The following DLC1 variants were observed in gnomAD, a reference collection of about 807,000 sequenced individuals.
DLC1 encodes rho GTPase-activating protein 7.
In DLC1, 54 loss-of-function variants were observed where a neutral mutation model predicts 140.3. The observed-to-expected ratio is 0.38, with a 90% confidence interval of 0.31 to 0.48. DLC1 has a LOEUF of 0.48. Among genes scored for constraint, DLC1 ranks in the 20% least tolerant of loss-of-function variants. The probability of loss-of-function intolerance (pLI) is 0.96; values close to 1 mark genes in which losing one functional copy is unlikely to be tolerated. For synonymous variants in DLC1, 986 were observed against 728.1 expected (o/e 1.35, Z -5.70); for missense variants, 2,536 against 1,907.0 (o/e 1.33, Z -6.14).
chr8:13,482,111 C>T (rs941875631), intron 2 of DLC1, among the ~76,000 whole-genome samples: 1 of 152,054 alleles, frequency 6.6e-6, no homozygotes, highest in Admixed American at 6.6e-5. Flanking sequence ...TTTAAGCATG[C>T]AATTTAAGGT....
chr8:13,135,340 C>G (rs1822483232), intron 5 of DLC1, among the ~76,000 whole-genome samples: 2 of 151,788 alleles, frequency 1.3e-5, no homozygotes, highest in African/African-American at 4.8e-5. Flanking sequence ...GCCACCACAC[C>G]CAGCTAATTT....
rs567727329 is a variant in DLC1 at position 13,556,512 on chromosome 8, C to T, written c.-126+48025G>A. On this transcript the variant is annotated intron_variant, in intron 1 of 1. Coordinates refer to the DLC1 transcript ENST00000631382. ...GTCCAGACAAGGTGCCTTCCTGGTA[C>T]ACTGCCTCTTCTGAAGACTCCTTCA... Among the ~76,000 whole-genome samples, 41 of 152,310 alleles carry T rather than the reference C, an allele frequency of 2.7e-4. No individual in the cohort carries two copies. The East Asian group carries it at 7.3e-3, about 27-fold the overall frequency.
intron 4 of DLC1, chr8:13,338,869 G>C (rs1446601198): frequency 6.6e-6 from 1 of 152,168 alleles, no homozygotes; most frequent in East Asian, 1.9e-4. Context: ...GAATTTCACA[G>C]AAATCAGTAA....
intron 1 of DLC1, among the ~76,000 whole-genome samples, chr8:13,570,446 T>TC (rs1056224502): frequency 2.8e-5 from 2 of 72,698 alleles, no homozygotes; most frequent in African/African-American, 1.2e-4. Context: ...CCCTCCCCCC[T>TC]CCCCCCACCC....
intron 2 of DLC1, among the ~76,000 whole-genome samples, chr8:13,477,108 A>G (rs995348874): frequency 3.9e-5 from 6 of 152,122 alleles, no homozygotes; most frequent in South Asian, 2.1e-4. Flanking sequence ...TCACTATTCC[A>G]TGTCAGTTAC....
intron 5 of DLC1, among the ~76,000 whole-genome samples, chr8:13,179,718 C>T (rs182124915): frequency 0.018 from 2,780 of 151,732 alleles, 82 homozygotes; most frequent in African/African-American, 0.064. Flanking sequence ...AAGACTCAGT[C>T]TCAAAAAAAC....
chr8:13,286,866 G>A (rs1831552180), intron 5 of DLC1, among the ~76,000 whole-genome samples: 1 of 152,102 alleles, frequency 6.6e-6, no homozygotes, highest in Admixed American at 6.6e-5. Context: ...TGTAGGAGAT[G>A]GAACCTCATG....
intron 5 of DLC1, among the ~76,000 whole-genome samples, chr8:13,290,374 C>T (rs1018985620): frequency 6.6e-6 from 1 of 152,136 alleles, no homozygotes; most frequent in Non-Finnish European, 1.5e-5. Context: ...GGCCTGGAGG[C>T]ATCCAGGAAT....
Position 13,485,749 on chromosome 8 carries a change from G to T in DLC1, c.1023+13300C>A, listed in dbSNP as rs538584933. 4.6e-5 allele frequency among the ~76,000 whole-genome samples: 7 copies of T among 152,284 alleles called. No homozygotes were observed. In the South Asian group the frequency reaches 1.5e-3, roughly 32 times the overall value. On this transcript the variant is annotated intron_variant, in intron 2 of 17. Coordinates refer to ENST00000276297, the MANE Select transcript of DLC1 (RefSeq NM_182643.3). ...ATACATTCTCTCAATGGCCAGGCTT[G>T]AAGATTTAGGATTCCAATAACTATC...
intron 5 of DLC1, among the ~76,000 whole-genome samples, chr8:13,279,181 G>A (rs532711866): frequency 6.6e-6 from 1 of 152,318 alleles, no homozygotes; most frequent in East Asian, 1.9e-4. Flanking sequence ...TAGATTTGAG[G>A]TGATCCCGAC....
rs1817556170 is a variant in DLC1 at position 13,086,343 on chromosome 8, TTCAA to T, written c.4409_4412del (p.Ile1470AsnfsTer18). 6.2e-7 allele frequency: 1 copy of T among 1,613,982 alleles called. No homozygotes were observed. The highest frequency in any genetic ancestry group is 1.3e-5 in the African/African-American group (1 of 74,884). ...GTTTGGATTTTCCTGGCCCACAGGGTTCAATCAAATACCTGGACAAGAGCACATT... is the reference window on the plus strand; with the variant it reads ...GTTTGGATTTTCCTGGCCCACAGGGTTCAAATACCTGGACAAGAGCACATT... On this transcript the variant is annotated frameshift_variant, in exon 17 of 18. Transcript: ENST00000276297. LOFTEE classifies it high-confidence loss of function.
chr8:13,263,602 T>G (rs891638), intron 5 of DLC1, among the ~76,000 whole-genome samples: 1 of 150,330 alleles, frequency 6.7e-6, no homozygotes, highest in Non-Finnish European at 1.5e-5. Context: ...ACATATGTGT[T>G]TATAAATATA....
At chr8:13,273,283 A>C (rs951137237) in intron 5 of DLC1, among the ~76,000 whole-genome samples, 4 of 152,224 alleles carry the variant, frequency 2.6e-5, no homozygotes, top group Non-Finnish European at 4.4e-5. Flanking sequence ...CACTTCATCC[A>C]GCACAAAGCT....
exon 1 of DLC1, chr8:13,604,547 A>G (rs1585323695): frequency 6.6e-6 from 1 of 152,216 alleles, no homozygotes; most frequent in African/African-American, 2.4e-5. Context: ...CTGGTTAATC[A>G]CATGTGTTAT....
chr8:13,302,223 G>A (rs1832228431), intron 5 of DLC1, among the ~76,000 whole-genome samples: 1 of 152,180 alleles, frequency 6.6e-6, no homozygotes, highest in African/African-American at 2.4e-5. Context: ...AAGAGGAGAA[G>A]GAGGGATGCC....
Position 13,099,549 on chromosome 8 carries a change from C to T in DLC1, c.2788G>A (p.Glu930Lys), listed in dbSNP as rs1185244885. ...TCCAGGGCTGAGTCCGAATCTCCCTCATCAGAAAACTTCTCCGACCACTGA... is the reference window on the plus strand; with the variant it reads ...TCCAGGGCTGAGTCCGAATCTCCCTTATCAGAAAACTTCTCCGACCACTGA... ...VNQWSEKFSD[E>K]GDSDSALDSV... is the part of the protein sequence containing the mutation. Residue 930 changes from glutamate (E) to lysine (K), a missense_variant, in exon 9 of 18, where the codon GAG becomes AAG. Transcript: ENST00000276297. 2 of 1,614,060 alleles carry T rather than the reference C, an allele frequency of 1.2e-6. No homozygotes were observed. Among genetic ancestry groups the T allele is most frequent in the African/African-American group, 2.7e-5 (2 of 74,924 alleles).
At chr8:13,539,131 T>A (rs991642340) in intron 1 of DLC1, among the ~76,000 whole-genome samples, 1 of 152,186 alleles carries the variant, frequency 6.6e-6, no homozygotes, top group African/African-American at 2.4e-5. Flanking sequence ...ATCTTGATTA[T>A]TGGCAATATT....
At chr8:13,515,663 A>T (rs1244287292), upstream of DLC1, 1 of 152,134 alleles carries the variant, frequency 6.6e-6, no homozygotes, top group African/African-American at 2.4e-5. Flanking sequence ...TCATCTGTTT[A>T]TCTTTTCTGC....
rs757091790 is a variant in DLC1, at chr8:13,120,700, G to A, written c.1349-5043C>T. Among the ~76,000 whole-genome samples, 13 of 152,200 alleles carry A rather than the reference G, an allele frequency of 8.5e-5. No homozygotes were observed. In the East Asian group the frequency reaches 9.7e-4, roughly 11 times the overall value. On this transcript the variant is annotated intron_variant, in intron 5 of 17. Coordinates refer to ENST00000276297, the MANE Select transcript of DLC1 (RefSeq NM_182643.3). ...GCAAACAACAGACAAATGCCGTAAG[G>A]AGGAAACAGGAAATTTTTATTGGAA...
Sources: allele counts gnomAD v4.1 joint callset (sites outside exome capture counted in the v4.1 genomes callset), GRCh38; gene constraint gnomAD v4.1.1; transcripts MANE v1.5; gene names NCBI Gene and HGNC (gene_info 2026-07-23, HGNC 2026-07-21).